The following ERGIC1 variants were observed in gnomAD, a reference collection of about 807,000 sequenced individuals.
ERGIC1 encodes endoplasmic reticulum-Golgi intermediate compartment protein 1.
In ERGIC1, 19 loss-of-function variants were observed where a neutral mutation model predicts 38.3. The ratio of observed to expected loss-of-function variants is 0.50; its 90% CI spans 0.35 to 0.73. The LOEUF (loss-of-function observed/expected upper bound fraction) is 0.73. ERGIC1 is among the 30% of genes least tolerant of loss of function. The pLI is 0.01. For missense variants in ERGIC1, 294 were observed against 389.2 expected (o/e 0.76, Z 2.06); for synonymous variants, 124 against 157.6 (o/e 0.79, Z 1.60).
At chr5:172,934,806 C>G (rs1264310060) in intron 8 of ERGIC1, 1 of 294,922 alleles carries the variant, frequency 3.4e-6, no homozygotes. Context: ...TGGGCCACCA[C>G]AGTGGAGGCG....
At chr5:172,861,138 C>T (rs992911591) in intron 1 of ERGIC1, among the ~76,000 whole-genome samples, 2 of 152,194 alleles carry the variant, frequency 1.3e-5, no homozygotes, top group African/African-American at 2.4e-5. Context: ...CCCCTCCCTG[C>T]GTGCCAGCCG....
chr5:172,865,922 G>A (rs779988188), intron 1 of ERGIC1, among the ~76,000 whole-genome samples: 9 of 152,042 alleles, frequency 5.9e-5, no homozygotes, highest in Non-Finnish European at 7.4e-5. Flanking sequence ...CAAACCTTAA[G>A]CCCCTATATT....
chr5:172,889,271 C>A (rs545248954), intron 2 of ERGIC1, among the ~76,000 whole-genome samples: 1 of 151,854 alleles, frequency 6.6e-6, no homozygotes, highest in South Asian at 2.1e-4. Flanking sequence ...GCAACAAGAG[C>A]GAGACTCCAT....
chr5:172,882,189 G>A (rs72811981), intron 1 of ERGIC1, among the ~76,000 whole-genome samples: 3,534 of 152,296 alleles, frequency 0.023, 68 homozygotes, highest in Non-Finnish European at 0.038. Flanking sequence ...ATTACAGTAC[G>A]TAGTGTTGAG....
intron 1 of ERGIC1, among the ~76,000 whole-genome samples, chr5:172,880,901 TA>T (rs1197659085): frequency 4.6e-5 from 7 of 152,350 alleles, no homozygotes; most frequent in Middle Eastern, 3.4e-3. Context: ...TAGTTTTTCT[TA>T]AGTCCAGTTG....
rs765561557 is a variant in ERGIC1, at chr5:172,950,727, G to A, written c.784G>A (p.Gly262Arg). ...CTTGCAGATCTGTGCCATCATTGGC[G>A]GGACCTTCACCGTCGCCGGCATCCT... ...FITTICAIIG[G>R]TFTVAGILDS... The change falls in exon 10 of 10, where the codon GGG (glycine) becomes AGG (arginine). Residue 262 changes from glycine (G) to arginine (R), a missense_variant. Transcript: ENST00000393784. 1.9e-6 allele frequency: 3 copies of A among 1,612,478 alleles called. No individual in the cohort carries two copies. The highest frequency in any genetic ancestry group is 1.1e-5 in the South Asian group (1 of 90,860).
intron 1 of ERGIC1, among the ~76,000 whole-genome samples, chr5:172,861,281 G>T (rs1761692080): frequency 6.6e-6 from 1 of 151,976 alleles, no homozygotes; most frequent in East Asian, 1.9e-4. Context: ...CCTTCCCTCG[G>T]GTCTCTGCCC....
At chr5:172,864,114 T>C (rs1761789772) in intron 1 of ERGIC1, among the ~76,000 whole-genome samples, 1 of 151,918 alleles carries the variant, frequency 6.6e-6, no homozygotes, top group Non-Finnish European at 1.5e-5. Flanking sequence ...GGAGAATCGC[T>C]TGAACCCGGG....
At chr5:172,869,255 G>A (rs1761944717) in intron 1 of ERGIC1, among the ~76,000 whole-genome samples, 1 of 152,240 alleles carries the variant, frequency 6.6e-6, no homozygotes, top group African/African-American at 2.4e-5. Context: ...CATTCCCCAG[G>A]ACAGCGTGTG....
intron 1 of ERGIC1, among the ~76,000 whole-genome samples, chr5:172,878,763 C>T (rs1762210369): frequency 6.6e-6 from 1 of 152,120 alleles, no homozygotes; most frequent in Non-Finnish European, 1.5e-5. Flanking sequence ...CTCCACTTGG[C>T]TCTGGTGTGT....
chr5:172,910,022 C>T (rs1763167052), intron 4 of ERGIC1, among the ~76,000 whole-genome samples: 1 of 152,212 alleles, frequency 6.6e-6, no homozygotes, highest in South Asian at 2.1e-4. Context: ...GGTCATGTTA[C>T]AGCTTCGCAG....
At chr5:172,858,391 G>A (rs994170104) in intron 1 of ERGIC1, among the ~76,000 whole-genome samples, 1 of 152,242 alleles carries the variant, frequency 6.6e-6, no homozygotes, top group Non-Finnish European at 1.5e-5. Context: ...ACGAACTCTT[G>A]ATGCGAAGGG....
Position 172,951,184 on chromosome 5 carries a change from C to T in ERGIC1, c.*368C>T, listed in dbSNP as rs1413561569. 1.8e-5 allele frequency: 3 copies of T among 167,820 alleles called. No homozygotes were observed. The highest frequency in any genetic ancestry group is 6.3e-5 in the Admixed American group (1 of 15,752). 10.4% of individuals were successfully genotyped at this position (167,820 alleles called of 1,614,324 possible). The stretch of plus-strand genomic sequence containing the variant: ...CAGCTCTCAGCCAGGCTTCGACAAT[C>T]TCGCAGCCCCCACTAGGTGGACACA... On this transcript the variant is annotated 3_prime_UTR_variant, in exon 10 of 10. Transcript: ENST00000393784.
chr5:172,891,541 C>T (rs1039108288), intron 2 of ERGIC1, among the ~76,000 whole-genome samples: 2 of 151,712 alleles, frequency 1.3e-5, no homozygotes, highest in African/African-American at 4.8e-5. Context: ...CGGGTTCAAG[C>T]AATTCTTGTG....
intron 2 of ERGIC1, among the ~76,000 whole-genome samples, chr5:172,896,105 G>A (rs898800402): frequency 2.6e-5 from 4 of 152,114 alleles, no homozygotes; most frequent in Non-Finnish European, 4.4e-5. Flanking sequence ...CACTTTGGGA[G>A]GCTGAGGCGG....
At chr5:172,915,511 T>C (rs1288441438) in intron 5 of ERGIC1, 2 of 461,142 alleles carry the variant, frequency 4.3e-6, no homozygotes, top group Admixed American at 4.8e-5. Flanking sequence ...TGTTGTTTTG[T>C]CCTCAGAACC....
At chr5:172,943,436 C>G (rs1287631370) in intron 9 of ERGIC1, among the ~76,000 whole-genome samples, 1 of 151,814 alleles carries the variant, frequency 6.6e-6, no homozygotes, top group Non-Finnish European at 1.5e-5. Flanking sequence ...GTGTTCTCAT[C>G]CCCGGCTCCA....
At chr5:172,877,410 A>ATGTGTGTGTGTGTGTGTGTG (rs34909688) in intron 1 of ERGIC1, among the ~76,000 whole-genome samples, 1 of 102,316 alleles carries the variant, frequency 9.8e-6, no homozygotes, top group African/African-American at 3.8e-5. Flanking sequence ...TATTATATAT[A>ATGTGTGTGTGTGTGTGTGTG]TGTGTGTGTG....
chr5:172,863,840 C>T (rs73803647), intron 1 of ERGIC1, among the ~76,000 whole-genome samples: 37 of 152,288 alleles, frequency 2.4e-4, no homozygotes, highest in African/African-American at 8.4e-4. Context: ...GGCTTTTAAT[C>T]GCTTTTGACA....
Sources: allele counts gnomAD v4.1 joint callset (sites outside exome capture counted in the v4.1 genomes callset), GRCh38; gene constraint gnomAD v4.1.1; transcripts MANE v1.5; gene names NCBI Gene and HGNC (gene_info 2026-07-23, HGNC 2026-07-21).